The following DNM1L variants were observed in gnomAD, a reference collection of about 807,000 sequenced individuals.
The protein encoded by DNM1L is dynamin 1L.
A neutral mutation model predicts 92.8 loss-of-function variants in DNM1L; 33 were observed. The observed-to-expected ratio is 0.36, with a 90% confidence interval of 0.27 to 0.48. The LOEUF (loss-of-function observed/expected upper bound fraction) is 0.48, where lower values mean the gene tolerates loss of function less well. Among genes scored for constraint, DNM1L ranks in the 20% least tolerant of loss-of-function variants. The probability of loss-of-function intolerance (pLI) is 0.99; values close to 1 mark genes in which losing one functional copy is unlikely to be tolerated. For synonymous variants in DNM1L, 284 were observed against 305.0 expected (o/e 0.93, Z 0.72); for missense variants, 485 against 888.8 (o/e 0.55, Z 5.78).
intron 1 of DNM1L, among the ~76,000 whole-genome samples, chr12:32,687,506 A>T (rs756199424): frequency 1.3e-5 from 2 of 151,556 alleles, no homozygotes; most frequent in Non-Finnish European, 2.9e-5. Flanking sequence ...GCAATGATGC[A>T]GTCTTGGGTC....
At chr12:32,726,614 A>G in intron 9 of DNM1L, 1 of 1,090,238 alleles carries the variant, frequency 9.2e-7, no homozygotes, top group Non-Finnish European at 1.4e-6. Flanking sequence ...CAGCATCATC[A>G]TCCAGATCTC....
At chr12:32,725,032 T>A (rs1954040141) in intron 9 of DNM1L, among the ~76,000 whole-genome samples, 2 of 151,704 alleles carry the variant, frequency 1.3e-5, no homozygotes, top group African/African-American at 2.4e-5. Flanking sequence ...CCAAAGAAAA[T>A]GAACTTTAAT....
intron 5 of DNM1L, chr12:32,711,372 C>T (rs1953116609): frequency 4.0e-6 from 1 of 251,212 alleles, no homozygotes; most frequent in Non-Finnish European, 7.8e-6. Flanking sequence ...CTACGTAAGG[C>T]TCTGTATATT....
intron 2 of DNM1L, chr12:32,706,849 T>C (rs1453867937): frequency 2.8e-6 from 1 of 362,912 alleles, no homozygotes; most frequent in Non-Finnish European, 5.3e-6. Flanking sequence ...TAAAAAGAAC[T>C]GAAGAATTAG....
chr12:32,714,471 A>C (rs933053209), intron 6 of DNM1L, among the ~76,000 whole-genome samples: 4 of 151,538 alleles, frequency 2.6e-5, no homozygotes, highest in Admixed American at 2.0e-4. Context: ...ACGGGGTTTC[A>C]CCGTGTTAGC....
chr12:32,684,611 C>T (rs764240519), intron 1 of DNM1L, among the ~76,000 whole-genome samples: 4 of 152,102 alleles, frequency 2.6e-5, no homozygotes, highest in Non-Finnish European at 4.4e-5. Flanking sequence ...GGATTACAGG[C>T]GCGTGCTACC....
chr12:32,709,916 A>G (rs773522508), intron 4 of DNM1L, among the ~76,000 whole-genome samples: 8 of 152,216 alleles, frequency 5.3e-5, no homozygotes, highest in Non-Finnish European at 1.2e-4. Context: ...TGTATAGGGA[A>G]TGTGGAGTAA....
At chr12:32,704,277 C>T (rs1265925924) in intron 2 of DNM1L, among the ~76,000 whole-genome samples, 4 of 152,072 alleles carry the variant, frequency 2.6e-5, no homozygotes, top group Admixed American at 6.6e-5. Flanking sequence ...AGGCCGGGCG[C>T]GGTGGCTCAC....
At chr12:32,700,087 C>T (rs778930241) in intron 1 of DNM1L, among the ~76,000 whole-genome samples, 3 of 152,048 alleles carry the variant, frequency 2.0e-5, no homozygotes, top group African/African-American at 4.8e-5. Flanking sequence ...CTTATCAGTT[C>T]GGGTTTGGTT....
In DNM1L at chr12:32,701,419, G is replaced by A; in HGVS notation, c.107G>A (p.Ser36Asn). The A allele has an allele frequency of 6.2e-7, 1 of 1,614,034 alleles. No individual in the cohort carries two copies. The highest frequency in any genetic ancestry group is 1.3e-5 in the African/African-American group (1 of 75,048). ...PQIVVVGTQSSGKSSVLESLV... is the reference protein window; with the variant it reads ...PQIVVVGTQSNGKSSVLESLV... ...TTGTATATATTCTGTTTTCAGAGCA[G>A]CGGAAAGAGCTCAGTGCTAGAAAGC... Residue 36 changes from serine to asparagine, a missense_variant, in exon 2 of 20, where the codon AGC (serine) becomes AAC (asparagine). By Grantham distance (46) the Ser-to-Asn change is conservative. This residue lies in a region of DNM1L where 9 missense variants were observed against 38.5 expected (regional missense o/e 0.23). Coordinates refer to ENST00000549701, the MANE Select transcript of DNM1L (RefSeq NM_012062.5).
chr12:32,703,643 AC>A (rs1952804280), intron 2 of DNM1L, among the ~76,000 whole-genome samples: 1 of 151,468 alleles, frequency 6.6e-6, no homozygotes, highest in Non-Finnish European at 1.5e-5. Context: ...GAAATCAGTT[AC>A]TAACATTTTG....
At chr12:32,680,680 GCAT>G (rs1357689892) in intron 1 of DNM1L, among the ~76,000 whole-genome samples, 2 of 152,162 alleles carry the variant, frequency 1.3e-5, no homozygotes, top group African/African-American at 4.8e-5. Context: ...AGACTCAGAA[GCAT>G]CAAACAAATT....
At chr12:32,693,637 T>C (rs1447238899) in intron 1 of DNM1L, among the ~76,000 whole-genome samples, 1 of 152,158 alleles carries the variant, frequency 6.6e-6, no homozygotes, top group Non-Finnish European at 1.5e-5. Context: ...CTTAAACTTT[T>C]CTTTTTTCTT....
At chr12:32,703,676 G>C (rs1443288210) in intron 2 of DNM1L, among the ~76,000 whole-genome samples, 1 of 150,844 alleles carries the variant, frequency 6.6e-6, no homozygotes, top group African/African-American at 2.4e-5. Context: ...TATTTAGCCA[G>C]TGAAGGCTTA....
intron 18 of DNM1L, among the ~76,000 whole-genome samples, chr12:32,741,194 C>T (rs1955260288): frequency 6.6e-6 from 1 of 152,096 alleles, no homozygotes; most frequent in African/African-American, 2.4e-5. Flanking sequence ...CTTTTTAAAC[C>T]CGTAGCTTGT....
chr12:32,734,796 C>T (rs897557844), intron 13 of DNM1L, among the ~76,000 whole-genome samples: 1 of 151,824 alleles, frequency 6.6e-6, no homozygotes, highest in African/African-American at 2.4e-5. Flanking sequence ...GCAACAAGGG[C>T]GAAACTCCAT....
At chr12:32,681,412 A>G (rs114523471) in intron 1 of DNM1L, among the ~76,000 whole-genome samples, 23,593 of 152,002 alleles carry the variant, frequency 0.16, 1,928 homozygotes, top group Middle Eastern at 0.21. Flanking sequence ...TTAGCTGGGC[A>G]TGGTGGTGCG....
chr12:32,718,142 TAG>T (rs1953630377), intron 6 of DNM1L, among the ~76,000 whole-genome samples: 1 of 140,036 alleles, frequency 7.1e-6, no homozygotes, highest in Non-Finnish European at 1.5e-5. Context: ...TTTATATGTA[TAG>T]TATATATATA....
chr12:32,732,828 G>A (rs1356645743), intron 12 of DNM1L, among the ~76,000 whole-genome samples: 1 of 152,162 alleles, frequency 6.6e-6, no homozygotes, highest in Admixed American at 6.5e-5. Context: ...GTGGTGTGGT[G>A]GCTCACACCT....
Sources: allele counts gnomAD v4.1 joint callset (sites outside exome capture counted in the v4.1 genomes callset), GRCh38; gene constraint gnomAD v4.1.1; regional missense constraint gnomAD v4.1.1; transcripts MANE v1.5; gene names NCBI Gene and HGNC (gene_info 2026-07-23, HGNC 2026-07-21).